The following SUFU variants were observed in gnomAD, a reference collection of about 807,000 sequenced individuals.
The protein encoded by SUFU is suppressor of fused homolog.
A neutral mutation model predicts 58.9 loss-of-function variants in SUFU; 7 were observed. The ratio of observed to expected loss-of-function variants is 0.12; its 90% CI spans 0.07 to 0.22. SUFU has a LOEUF of 0.22. Among genes scored for constraint, SUFU ranks in the 10% least tolerant of loss-of-function variants. The probability of loss-of-function intolerance (pLI) is 1.00; values close to 1 mark genes in which losing one functional copy is unlikely to be tolerated. For synonymous variants in SUFU, 232 were observed against 254.8 expected (o/e 0.91, Z 0.85); for missense variants, 451 against 641.3 (o/e 0.70, Z 3.20).
intron 3 of SUFU, among the ~76,000 whole-genome samples, chr10:102,564,493 C>T (rs560743732): frequency 6.6e-6 from 1 of 152,046 alleles, no homozygotes; most frequent in Non-Finnish European, 1.5e-5. Context: ...CCACCACACC[C>T]GGCTAATTTT....
chr10:102,570,093 A>G (rs1240505012), intron 3 of SUFU, among the ~76,000 whole-genome samples: 1 of 152,154 alleles, frequency 6.6e-6, no homozygotes, highest in Non-Finnish European at 1.5e-5. Context: ...GTGGATAGGC[A>G]CTGGGAGGCA....
intron 6 of SUFU, among the ~76,000 whole-genome samples, chr10:102,595,313 C>G (rs1290062595): frequency 6.6e-6 from 1 of 152,198 alleles, no homozygotes; most frequent in Non-Finnish European, 1.5e-5. Context: ...AGATGATGCT[C>G]CTCTGTTTTC....
chr10:102,515,893 A>G (rs916963873), intron 2 of SUFU, among the ~76,000 whole-genome samples: 13 of 152,048 alleles, frequency 8.5e-5, no homozygotes, highest in African/African-American at 3.1e-4. Flanking sequence ...CAGGATGACT[A>G]TTTGCATGAG....
At chr10:102,607,797 G>C (rs1051046833) in intron 8 of SUFU, among the ~76,000 whole-genome samples, 2 of 152,074 alleles carry the variant, frequency 1.3e-5, no homozygotes, top group Non-Finnish European at 2.9e-5. Flanking sequence ...TGTAGTCCCA[G>C]CTACTCGGGA....
intron 3 of SUFU, among the ~76,000 whole-genome samples, chr10:102,572,371 C>T (rs181899449): frequency 5.4e-5 from 8 of 148,590 alleles, no homozygotes; most frequent in African/African-American, 7.4e-5. Flanking sequence ...CCACCGTGAC[C>T]GGCCTCTCCC....
chr10:102,571,028 C>A (rs1244529913), intron 3 of SUFU, among the ~76,000 whole-genome samples: 1 of 152,022 alleles, frequency 6.6e-6, no homozygotes, highest in Non-Finnish European at 1.5e-5. Context: ...TATATCATCA[C>A]ATCATGTTTT....
chr10:102,629,984 C>A lies in SUFU; in HGVS notation c.1366-82C>A, dbSNP rs910720364. On this transcript the variant is annotated intron_variant, in intron 11 of 11. Transcript: ENST00000369902. This position sits in a 1 kb window ranked among gnomAD's most constrained non-coding sequence, Gnocchi z 4.7. ...TGTCCTATCCCTAGCTCCCCGGGGACAGGCCTGGGCAATCTCTGGAAAGAC... is the reference window on the plus strand; with the variant it reads ...TGTCCTATCCCTAGCTCCCCGGGGAAAGGCCTGGGCAATCTCTGGAAAGAC... 8.4e-6 allele frequency: 11 copies of A among 1,304,168 alleles called. No homozygotes were observed. The highest frequency in any genetic ancestry group is 1.2e-5 in the Non-Finnish European group (11 of 897,306). 80.8% of individuals were successfully genotyped at this position (1,304,168 alleles called of 1,614,324 possible). A position where few individuals can be genotyped will look rare whatever the true frequency, so the allele number is the denominator to read the frequency against.
chr10:102,565,538 T>G (rs918911573), intron 3 of SUFU, among the ~76,000 whole-genome samples: 1 of 152,200 alleles, frequency 6.6e-6, no homozygotes, highest in Non-Finnish European at 1.5e-5. Context: ...AAACTCTTAG[T>G]AGAAAGAGTC....
chr10:102,552,443 A>T (rs1020848572), intron 3 of SUFU, among the ~76,000 whole-genome samples: 4 of 149,452 alleles, frequency 2.7e-5, no homozygotes, highest in Non-Finnish European at 6.0e-5. Flanking sequence ...AAAAAAAAAT[A>T]CACACACACA....
chr10:102,590,013 A>G (rs562190011), intron 3 of SUFU, among the ~76,000 whole-genome samples: 3 of 151,296 alleles, frequency 2.0e-5, no homozygotes, highest in Admixed American at 1.3e-4. Flanking sequence ...TTCTGTGTCT[A>G]TTGACATGAT....
intron 5 of SUFU, 62 bp from the exon 6 acceptor site, chr10:102,593,919 CAGGGCAGGCTGT>C (rs1409211085): frequency 5.1e-6 from 8 of 1,566,546 alleles, no homozygotes; most frequent in Non-Finnish European, 7.0e-6. Flanking sequence ...GGGCAGCAAA[CAGGGCAGGCTGT>C]AGGCCCAGCC....
At chr10:102,621,520 C>T (rs1489551155) in intron 10 of SUFU, among the ~76,000 whole-genome samples, 2 of 152,128 alleles carry the variant, frequency 1.3e-5, no homozygotes, top group Non-Finnish European at 2.9e-5. Flanking sequence ...CCACACGCCT[C>T]TGTCCCTGAC....
intron 3 of SUFU, among the ~76,000 whole-genome samples, chr10:102,574,157 A>T (rs2135811107): frequency 6.6e-6 from 1 of 152,300 alleles, no homozygotes; most frequent in African/African-American, 2.4e-5. Context: ...GGGATTGGGG[A>T]CCATGGGGGC....
rs1392696968 is a variant in SUFU at position 102,631,104 on chromosome 10, T to G, written c.*949T>G. On this transcript the variant is annotated 3_prime_UTR_variant, in exon 12 of 12. Transcript: ENST00000369902. ...TCAGCACATCACACACCATCCCCAC[T>G]GTCATTCAGGGCCTGGGTCTCCAGC... The G allele has an allele frequency of 4.3e-6, 1 of 233,346 alleles. No homozygotes were observed. Among genetic ancestry groups the G allele is most frequent in the Non-Finnish European group, 8.5e-6 (1 of 118,176 alleles). 14.5% of individuals were successfully genotyped at this position (233,346 alleles called of 1,614,324 possible).
upstream of SUFU, among the ~76,000 whole-genome samples, chr10:102,503,356 T>C (rs2062274848): frequency 6.6e-6 from 1 of 152,204 alleles, no homozygotes; most frequent in Non-Finnish European, 1.5e-5. Context: ...GAACTACTGG[T>C]ATAGGTAATC....
At chr10:102,577,080 C>CT (rs10656431) in intron 3 of SUFU, among the ~76,000 whole-genome samples, 50,550 of 96,170 alleles carry the variant, frequency 0.53, 12,175 homozygotes, top group African/African-American at 0.64. Flanking sequence ...TGGATTTTTT[C>CT]TTTTCTTTTT....
chr10:102,630,004 A>G, intron 11 of SUFU, 62 bp from the exon 12 acceptor site: 1 of 1,505,914 alleles, frequency 6.6e-7, no homozygotes, highest in Non-Finnish European at 9.2e-7. Flanking sequence ...CAATCTCTGG[A>G]AAGACCACGG....
chr10:102,613,471 C>T (rs766132992), intron 8 of SUFU, among the ~76,000 whole-genome samples: 33 of 152,216 alleles, frequency 2.2e-4, no homozygotes, highest in Admixed American at 6.5e-5. Context: ...GCGGACCCTA[C>T]ACCTTCCCCT....
At chr10:102,553,101 C>T (rs2062935215) in intron 3 of SUFU, among the ~76,000 whole-genome samples, 1 of 152,134 alleles carries the variant, frequency 6.6e-6, no homozygotes, top group Non-Finnish European at 1.5e-5. Context: ...GACTACACTC[C>T]TAAAAGTGTA....
Sources: allele counts gnomAD v4.1 joint callset (sites outside exome capture counted in the v4.1 genomes callset), GRCh38; gene constraint gnomAD v4.1.1; non-coding constraint Gnocchi (gnomAD v3.1); transcripts MANE v1.5; gene names NCBI Gene and HGNC (gene_info 2026-07-23, HGNC 2026-07-21).